The following ZNF438 variants were observed in gnomAD, a reference collection of about 807,000 sequenced individuals.
The protein encoded by ZNF438 is zinc finger protein 438.
A neutral mutation model predicts 38.0 loss-of-function variants in ZNF438; 25 were observed. The observed-to-expected ratio is 0.66, with a 90% CI of 0.48 to 0.92. ZNF438 has a LOEUF of 0.92. Among genes scored for constraint, ZNF438 ranks in the 40% least tolerant of loss-of-function variants. The probability of loss-of-function intolerance (pLI) is 0.00; values close to 1 mark genes in which losing one functional copy is unlikely to be tolerated. For missense variants in ZNF438, 1,007 were observed against 999.6 expected (o/e 1.01, Z -0.10); for synonymous variants, 372 against 364.1 (o/e 1.02, Z -0.25).
intron 1 of ZNF438, among the ~76,000 whole-genome samples, chr10:31,010,921 A>G (rs1008222150): frequency 2.9e-5 from 4 of 135,606 alleles, no homozygotes; most frequent in African/African-American, 1.1e-4. Context: ...AAAAAAAAAA[A>G]AGATTTTGTT....
At position 30,965,206 on chromosome 10, in the gene ZNF438, C is replaced by T. The variant is rs369041275; in HGVS notation, c.-191-23555G>A. 5.3e-5 allele frequency among the ~76,000 whole-genome samples: 8 copies of T among 152,230 alleles called. No individual in the cohort carries two copies. The East Asian group carries it at 5.8e-4, about 11-fold the overall frequency. The stretch of plus-strand genomic sequence containing the variant: ...AAAAATGTTTAACATCACTGATCAT[C>T]GGAGAAATGCAAATCAAAACCAAAA... On this transcript the variant is annotated intron_variant, in intron 1 of 5. Coordinates refer to ENST00000413025, the Ensembl canonical transcript of ZNF438.
chr10:30,846,506 G>A (rs1399760447), intron 5 of ZNF438, among the ~76,000 whole-genome samples: 2 of 152,346 alleles, frequency 1.3e-5, no homozygotes, highest in East Asian at 1.9e-4. Flanking sequence ...GGGCATGCAG[G>A]AGTGGGTAGA....
exon 5 of ZNF438, chr10:30,850,119 C>A: frequency 6.2e-7 from 1 of 1,614,064 alleles, no homozygotes; most frequent in East Asian, 2.2e-5. Context: ...TGTGGCAGAG[C>A]AACAAGAGAA....
At chr10:31,009,348 C>T (rs1228040756) in intron 1 of ZNF438, among the ~76,000 whole-genome samples, 2 of 152,160 alleles carry the variant, frequency 1.3e-5, no homozygotes, top group African/African-American at 4.8e-5. Flanking sequence ...GCCTCTGCTT[C>T]CATTAATTTA....
chr10:30,954,231 T>C (rs1341195265), intron 1 of ZNF438, among the ~76,000 whole-genome samples: 1 of 152,230 alleles, frequency 6.6e-6, no homozygotes, highest in Non-Finnish European at 1.5e-5. Context: ...CTCCTTTAGC[T>C]ATCTATAAGT....
rs75091402 is a variant in ZNF438, at chr10:31,003,347, T to C, written c.-192+28486A>G. Reference sequence around the variant, plus strand: ...GTGGGAGGACCAGCCCTAAGTAAGATTGTGAGGTAGAACAGGTAGTATTGG... The same window carrying C: ...GTGGGAGGACCAGCCCTAAGTAAGACTGTGAGGTAGAACAGGTAGTATTGG... On this transcript the variant is annotated intron_variant, in intron 1 of 5. Coordinates refer to ENST00000413025, the Ensembl canonical transcript of ZNF438. Among the ~76,000 whole-genome samples the C allele has an allele frequency of 1.2e-4, 19 of 152,134 alleles. No homozygotes were observed. In the East Asian group the frequency reaches 1.3e-3, roughly 11 times the overall value.
intron 1 of ZNF438, among the ~76,000 whole-genome samples, chr10:30,948,097 C>T (rs1230886947): frequency 1.3e-5 from 2 of 152,166 alleles, no homozygotes; most frequent in African/African-American, 2.4e-5. Flanking sequence ...GACCCCTGAC[C>T]CCTGAGCAGC....
intron 1 of ZNF438, among the ~76,000 whole-genome samples, chr10:30,950,913 T>C (rs1385259060): frequency 4.2e-4 from 55 of 131,442 alleles, no homozygotes; most frequent in Non-Finnish European, 7.9e-4. Context: ...TCAGCATCAT[T>C]CTGATACCAA....
chr10:30,854,041 C>T (rs752799831), intron 4 of ZNF438, among the ~76,000 whole-genome samples: 8 of 152,168 alleles, frequency 5.3e-5, no homozygotes, highest in Middle Eastern at 3.4e-3. Context: ...ACATATAGGC[C>T]GGGCACGGTG....
At chr10:30,917,037 A>G (rs549808625) in intron 2 of ZNF438, among the ~76,000 whole-genome samples, 51 of 151,858 alleles carry the variant, frequency 3.4e-4, no homozygotes, top group Non-Finnish European at 5.9e-4. Flanking sequence ...TCTTAAGTGT[A>G]CCATTCCATA....
chr10:30,976,907 G>C, intron 1 of ZNF438, among the ~76,000 whole-genome samples: 1 of 152,116 alleles, frequency 6.6e-6, no homozygotes, highest in East Asian at 1.9e-4. Flanking sequence ...ACAACTTTAA[G>C]CCTTTGAGAG....
At chr10:30,943,677 C>A (rs2047059652) in intron 1 of ZNF438, among the ~76,000 whole-genome samples, 1 of 152,024 alleles carries the variant, frequency 6.6e-6, no homozygotes, top group Admixed American at 6.5e-5. Flanking sequence ...GAGCAGTGTC[C>A]TGGAAGTCAA....
upstream of ZNF438, among the ~76,000 whole-genome samples, chr10:31,032,180 T>C (rs1362519183): frequency 6.6e-6 from 1 of 152,296 alleles, no homozygotes; most frequent in East Asian, 1.9e-4. Flanking sequence ...CCTTCAGAAA[T>C]ACTGTAAACA....
intron 1 of ZNF438, among the ~76,000 whole-genome samples, chr10:30,971,280 G>C (rs2050711230): frequency 6.6e-6 from 1 of 152,184 alleles, no homozygotes; most frequent in Admixed American, 6.5e-5. Flanking sequence ...GTAAGTGTCA[G>C]CTGCTATTAG....
intron 2 of ZNF438, chr10:30,920,800 GA>G (rs2044209093): frequency 6.6e-6 from 1 of 152,156 alleles, no homozygotes; most frequent in Non-Finnish European, 1.5e-5. Context: ...GTAGCCAGTA[GA>G]AAACTTGGTT....
At chr10:30,860,336 T>C (rs969860957) in intron 4 of ZNF438, among the ~76,000 whole-genome samples, 3 of 152,340 alleles carry the variant, frequency 2.0e-5, no homozygotes, top group Middle Eastern at 3.4e-3. Flanking sequence ...CAACTATCCA[T>C]GTTTTGTTGA....
At chr10:30,999,908 A>C (rs139575775) in intron 1 of ZNF438, among the ~76,000 whole-genome samples, 1 of 152,318 alleles carries the variant, frequency 6.6e-6, no homozygotes, top group Admixed American at 6.5e-5. Context: ...TAGTCACTTA[A>C]ATGGACATTA....
intron 5 of ZNF438, among the ~76,000 whole-genome samples, chr10:30,847,219 G>A (rs975702337): frequency 1.3e-5 from 2 of 152,218 alleles, no homozygotes; most frequent in African/African-American, 2.4e-5. Flanking sequence ...ACTGGAGTGG[G>A]AACTTGTGGT....
chr10:30,849,878 A>G, exon 5 of ZNF438: 1 of 1,614,092 alleles, frequency 6.2e-7, no homozygotes, highest in South Asian at 1.1e-5. Flanking sequence ...TACTTCCTCA[A>G]ATGGACTGGG....
Sources: gnomAD v4.1 joint callset for allele counts (sites outside exome capture counted in the v4.1 genomes callset) on GRCh38, gnomAD v4.1.1 for gene constraint, MANE v1.5 for transcripts, NCBI Gene and HGNC (gene_info 2026-07-23, HGNC 2026-07-21) for gene names.